Variants in AMPH observed in about 807,000 individuals in gnomAD.
AMPH encodes amphiphysin, also known as amphiphysin (Stiff-Mann syndrome with breast cancer 128kD autoantigen).
Under a neutral mutation model 99.1 loss-of-function variants are expected in AMPH, and 49 were observed. The ratio of observed to expected loss-of-function variants is 0.49; its 90% confidence interval spans 0.39 to 0.63. AMPH has a LOEUF of 0.63. AMPH is among the 20% of genes least tolerant of loss of function. The pLI, the probability that AMPH is intolerant of heterozygous loss-of-function variation, is 0.00. For synonymous variants in AMPH, 314 were observed against 317.3 expected, an observed-to-expected ratio of 0.99 and a Z score of 0.11; for missense variants, 759 against 863.4, an observed-to-expected ratio of 0.88 and a Z score of 1.52.
intron 15 of AMPH, among the ~76,000 whole-genome samples, chr7:38,422,694 T>G (rs1446416588): frequency 5.9e-5 from 9 of 152,094 alleles, no homozygotes; most frequent in Non-Finnish European, 1.0e-4. Context: ...ATGATCATGC[T>G]CACCGCATTC....
intron 1 of AMPH, among the ~76,000 whole-genome samples, chr7:38,562,568 G>C (rs1791591574): frequency 6.6e-6 from 1 of 152,014 alleles, no homozygotes; most frequent in Admixed American, 6.6e-5. Context: ...AAGTCCAGAG[G>C]GGCTGGTAAG....
chr7:38,581,208 G>A (rs537267104), intron 1 of AMPH, among the ~76,000 whole-genome samples: 1 of 152,126 alleles, frequency 6.6e-6, no homozygotes, highest in Admixed American at 6.5e-5. Context: ...ACATTAAATG[G>A]CAAAAAAAAG....
chr7:38,401,100 A>G (rs1447779515), intron 17 of AMPH, among the ~76,000 whole-genome samples: 3 of 152,204 alleles, frequency 2.0e-5, no homozygotes, highest in Non-Finnish European at 4.4e-5. Context: ...TATTCTATTT[A>G]TCAAGTTATT....
intron 10 of AMPH, among the ~76,000 whole-genome samples, chr7:38,462,339 G>A (rs1481294150): frequency 2.0e-5 from 3 of 152,146 alleles, no homozygotes; most frequent in African/African-American, 7.2e-5. Flanking sequence ...CCCTTTGTAA[G>A]GCAAGCAGCA....
intron 14 of AMPH, 118 bp downstream of exon 14, chr7:38,429,724 A>C (rs1343837238): frequency 7.4e-7 from 1 of 1,343,110 alleles, no homozygotes; most frequent in African/African-American, 1.5e-5. Context: ...CATTGGCTTA[A>C]GGTTTAAATC....
At chr7:38,434,845 A>G (rs1310406968) in intron 12 of AMPH, among the ~76,000 whole-genome samples, 1 of 152,150 alleles carries the variant, frequency 6.6e-6, no homozygotes, top group Non-Finnish European at 1.5e-5. Flanking sequence ...AGTATATTCA[A>G]TTATATGTAC....
intron 1 of AMPH, among the ~76,000 whole-genome samples, chr7:38,569,776 G>A (rs1031881809): frequency 1.3e-5 from 2 of 152,044 alleles, no homozygotes; most frequent in Admixed American, 6.6e-5. Flanking sequence ...TGATTAGGCT[G>A]ACCACAGCCT....
At chr7:38,457,050 C>T (rs1787262838) in intron 11 of AMPH, among the ~76,000 whole-genome samples, 1 of 152,102 alleles carries the variant, frequency 6.6e-6, no homozygotes, top group Admixed American at 6.6e-5. Flanking sequence ...AAAATCAAAG[C>T]CAAAATGTCC....
At chr7:38,539,580 C>T (rs1324867447) in intron 1 of AMPH, among the ~76,000 whole-genome samples, 1 of 152,158 alleles carries the variant, frequency 6.6e-6, no homozygotes, top group Non-Finnish European at 1.5e-5. Context: ...GGGAAGATTG[C>T]CTTTGTAAAG....
intron 1 of AMPH, among the ~76,000 whole-genome samples, chr7:38,620,322 T>C (rs1197060831): frequency 1.5e-5 from 2 of 136,928 alleles, no homozygotes; most frequent in Non-Finnish European, 3.1e-5. Flanking sequence ...TACCAATTCA[T>C]TGGAGATATA....
intron 1 of AMPH, among the ~76,000 whole-genome samples, chr7:38,539,872 G>T (rs552443882): frequency 6.6e-6 from 1 of 152,328 alleles, no homozygotes; most frequent in African/African-American, 2.4e-5. Context: ...TGGGAAGACT[G>T]ATCTGCTATA....
intron 3 of AMPH, among the ~76,000 whole-genome samples, chr7:38,500,374 G>T (rs1424917124): frequency 1.3e-5 from 2 of 152,160 alleles, no homozygotes; most frequent in Non-Finnish European, 2.9e-5. Context: ...CCAAGATGGG[G>T]AAAAGCTGAT....
chr7:38,554,467 T>G (rs1462669896), intron 1 of AMPH, among the ~76,000 whole-genome samples: 1 of 152,126 alleles, frequency 6.6e-6, no homozygotes, highest in Non-Finnish European at 1.5e-5. Context: ...GACCCAGCAA[T>G]CCTACTTCTA....
intron 18 of AMPH, among the ~76,000 whole-genome samples, chr7:38,393,112 T>C (rs1459805571): frequency 1.3e-5 from 2 of 152,054 alleles, no homozygotes; most frequent in Non-Finnish European, 2.9e-5. Context: ...TAGAACAACA[T>C]ACACAAAAAC....
At chr7:38,600,451 C>T (rs553044311) in intron 1 of AMPH, among the ~76,000 whole-genome samples, 4 of 152,072 alleles carry the variant, frequency 2.6e-5, no homozygotes, top group East Asian at 1.9e-4. Flanking sequence ...CTGATGTTCT[C>T]GTAAGATTAA....
intron 17 of AMPH, among the ~76,000 whole-genome samples, chr7:38,400,172 T>A (rs2128979149): frequency 6.6e-6 from 1 of 152,192 alleles, no homozygotes; most frequent in South Asian, 2.1e-4. Flanking sequence ...GCCCCCCAGG[T>A]TCAAGCGATT....
At chr7:38,409,719 C>CT (rs1205670771) in intron 17 of AMPH, among the ~76,000 whole-genome samples, 1 of 152,214 alleles carries the variant, frequency 6.6e-6, no homozygotes, top group Non-Finnish European at 1.5e-5. Flanking sequence ...AGCAACTCAA[C>CT]TGCAGGCAGC....
chr7:38,436,124 T>C lies in AMPH; in HGVS notation c.1134+148A>G, dbSNP rs1786250128. On this transcript the variant is annotated intron_variant, in intron 12 of 20. Transcript: ENST00000356264. Reference sequence around the variant, plus strand: ...AATAACTGATATAGATAAGGTCCCCTTTCTACCCCTCTTTCCTATTAGGAA... The same window carrying C: ...AATAACTGATATAGATAAGGTCCCCCTTCTACCCCTCTTTCCTATTAGGAA... The C allele has an allele frequency of 6.4e-6, 4 of 628,724 alleles. No homozygotes were observed. In the South Asian group the frequency reaches 7.9e-5, roughly 12 times the overall value. 38.9% of individuals were successfully genotyped at this position (628,724 alleles called of 1,614,324 possible).
At chr7:38,575,052 A>T (rs1221493050) in intron 1 of AMPH, among the ~76,000 whole-genome samples, 4 of 10,524 alleles carry the variant, frequency 3.8e-4, no homozygotes, top group Non-Finnish European at 8.3e-4. Context: ...GACTCTGTCT[A>T]AAAAAAAAAA....
Sources: gnomAD v4.1 joint callset for allele counts (sites outside exome capture counted in the v4.1 genomes callset) on GRCh38, gnomAD v4.1.1 for gene constraint, MANE v1.5 for transcripts, NCBI Gene and HGNC (gene_info 2026-07-23, HGNC 2026-07-21) for gene names.